HCN4: variants seen among roughly 807,000 people sequenced by gnomAD.
HCN4 encodes potassium/sodium hyperpolarization-activated cyclic nucleotide-gated channel 4.
HCN4 carries 29 observed loss-of-function variants against 76.9 expected under a neutral mutation model. The ratio of observed to expected loss-of-function variants is 0.38; its 90% confidence interval spans 0.28 to 0.51. HCN4 has a LOEUF of 0.51. Among genes scored for constraint, HCN4 ranks in the 20% least tolerant of loss-of-function variants. The pLI is 0.90. For missense variants in HCN4, 1,416 were observed against 1,715.2 expected (o/e 0.83, Z 3.08); for synonymous variants, 772 against 762.5 (o/e 1.01, Z -0.21).
chr15:73,339,720 C>T (rs1428501335), intron 2 of HCN4, among the ~76,000 whole-genome samples: 1 of 152,162 alleles, frequency 6.6e-6, no homozygotes, highest in African/African-American at 2.4e-5. Context: ...TAAATACTCT[C>T]CTCAGCTCTC....
chr15:73,325,379 G>A lies in HCN4; in HGVS notation c.1656C>T (p.His552=), dbSNP rs148142070. 4.3e-4 allele frequency: 696 copies of A among 1,614,116 alleles called. No homozygotes were observed. Among genetic ancestry groups the A allele is most frequent in the Non-Finnish European group, 5.3e-4 (631 of 1,179,984 alleles). ...KLPPDTRQRI[H]DYYEHRYQGK... is the part of the protein sequence containing the mutation. ...CCTGGTAGCGGTGCTCGTAGTAGTC[G>A]TGGATGCGCTGCCGGGTGTCGGGCG... Residue 552 remains histidine, a synonymous_variant, in exon 5 of 8, where the codon CAC becomes CAT. Transcript: ENST00000261917. This position sits in a 1 kb window ranked among gnomAD's most constrained non-coding sequence, Gnocchi z 7.4.
intron 1 of HCN4, among the ~76,000 whole-genome samples, chr15:73,353,282 G>A (rs879891947): frequency 6.6e-6 from 1 of 152,182 alleles, no homozygotes; most frequent in Non-Finnish European, 1.5e-5. Context: ...GCCCTGTGCT[G>A]TAAGGGGTCC....
At position 73,322,927 on chromosome 15, in the gene HCN4, G is replaced by A; in HGVS notation, c.3166C>T (p.Pro1056Ser). The A allele has an allele frequency of 1.4e-6, 2 of 1,408,586 alleles. No individual in the cohort carries two copies. Among genetic ancestry groups the A allele is most frequent in the Non-Finnish European group, 1.9e-6 (2 of 1,067,622 alleles). 87.3% of individuals were successfully genotyped at this position (1,408,586 alleles called of 1,614,324 possible). ...TGGGGTGGTGGGGGGCTGGATGCAG[G>A]TGGCAGGAGCAAGGATCCGTGGGAG... ...SGSHGSLLLP[P>S]ASSPPPPQVP... Residue 1056 changes from proline (P) to serine (S), a missense_variant, in exon 8 of 8, where the codon CCT becomes TCT. Pro to Ser is a moderately conservative substitution (Grantham distance 74). Coordinates refer to ENST00000261917, the MANE Select transcript of HCN4 (RefSeq NM_005477.3).
intron 2 of HCN4, among the ~76,000 whole-genome samples, chr15:73,340,186 C>G (rs1369018680): frequency 6.6e-6 from 1 of 152,136 alleles, no homozygotes; most frequent in Non-Finnish European, 1.5e-5. Context: ...GGCCTGAGCT[C>G]CCAGGATGCA....
rs1060500105 is a variant in HCN4 at position 73,329,744 on chromosome 15, C to T, written c.1419G>A (p.Met473Ile). 6.2e-7 allele frequency: 1 copy of T among 1,614,154 alleles called. No individual in the cohort carries two copies. The highest frequency in any genetic ancestry group is 1.7e-5 in the Admixed American group (1 of 60,030). ...KQYSYALFKA[M>I]SHMLCIGYGR... is the part of the protein sequence containing the mutation. ...CGTAGCCGATGCACAGCATGTGGCT[C>T]ATGGCCTTGAAGAGCGCGTAGGAGT... is the stretch of plus-strand genomic sequence containing the variant. Residue 473 changes from methionine to isoleucine, a missense_variant, in exon 4 of 8, where the codon ATG becomes ATA. By Grantham distance (10) the Met-to-Ile change is conservative (BLOSUM62 1). This residue lies in a region of HCN4 where 112 missense variants were observed against 259.9 expected (regional missense o/e 0.43). Transcript: ENST00000261917.
In HCN4 at chr15:73,367,971, C is replaced by T; in HGVS notation, c.300G>A (p.Leu100=). Residue 100 remains leucine (L), a synonymous_variant, in exon 1 of 8, where the codon CTG becomes CTA. Transcript: ENST00000261917. The surrounding 1 kb of genome is among the most constrained non-coding windows in gnomAD (Gnocchi z 7.5). ...CGCCGCCCCGGCTGCCCAGCGAGGC[C>T]AGGCTCCCGCGGAAGCGCCTGCAGT... ...NGDCRRFRGS[L]ASLGSRGGGS... 7.4e-7 allele frequency: 1 copy of T among 1,349,902 alleles called. No homozygotes were observed. Among genetic ancestry groups the T allele is most frequent in the Non-Finnish European group, 9.5e-7 (1 of 1,057,296 alleles). 83.6% of individuals were successfully genotyped at this position (1,349,902 alleles called of 1,614,324 possible). A position where few individuals can be genotyped will look rare whatever the true frequency, so the allele number is the denominator to read the frequency against.
At chr15:73,332,326 G>A (rs779418178) in intron 2 of HCN4, 34 bp from the exon 3 acceptor site, 2 of 1,612,016 alleles carry the variant, frequency 1.2e-6, no homozygotes, top group Admixed American at 1.7e-5. Context: ...GGCTGGGATA[G>A]GTGAGTGGCC....
intron 1 of HCN4, among the ~76,000 whole-genome samples, chr15:73,356,872 A>G (rs568431445): frequency 2.0e-5 from 3 of 152,312 alleles, no homozygotes; most frequent in South Asian, 2.1e-4. Context: ...CCTATTACCA[A>G]TGGGGTTGGA....
At chr15:73,345,900 G>A (rs1246395302) in intron 1 of HCN4, among the ~76,000 whole-genome samples, 3 of 152,248 alleles carry the variant, frequency 2.0e-5, no homozygotes, top group South Asian at 2.1e-4. Flanking sequence ...ATGCTGACTC[G>A]GGCGGGCCTG....
rs373572497 is a variant in HCN4, at chr15:73,323,377, C to T, written c.2716G>A (p.Gly906Arg). 1.8e-5 allele frequency: 28 copies of T among 1,585,026 alleles called. No homozygotes were observed. Among genetic ancestry groups the T allele is most frequent in the Middle Eastern group, 1.7e-4 (1 of 5,964 alleles). ...SAGVAATTIA[G>R]FGHFHKALGG... ...AGCGCCTTGTGGAAGTGGCCAAACC[C>T]GGCTATGGTGGTGGCGGCTACGCCA... is the stretch of plus-strand genomic sequence containing the variant. Residue 906 changes from glycine (G) to arginine (R), a missense_variant, in exon 8 of 8, where the codon GGG becomes AGG. Physicochemically the swap from Gly to Arg is moderately radical, Grantham distance 125. Around this residue, in one of 6 missense-constraint regions of HCN4, gnomAD observed 633 missense variants for 579.8 expected, o/e 1.09. Coordinates refer to ENST00000261917, the MANE Select transcript of HCN4 (RefSeq NM_005477.3).
rs572194844 is a variant in HCN4 at position 73,339,488 on chromosome 15, C to A, written c.1209+3897G>T. Among the ~76,000 whole-genome samples, 4 of 152,210 alleles carry A rather than the reference C, an allele frequency of 2.6e-5. No homozygotes were observed. In the East Asian group the frequency reaches 7.7e-4, roughly 29 times the overall value. Reference sequence around the variant, plus strand: ...GGGAGGCAAGCTCCCTAGCCCCAACCGAGGGCATCCTCCTTCACGTTCCGT... The same window carrying A: ...GGGAGGCAAGCTCCCTAGCCCCAACAGAGGGCATCCTCCTTCACGTTCCGT... On this transcript the variant is annotated intron_variant, in intron 2 of 7. Transcript: ENST00000261917.
At chr15:73,326,456 G>A (rs1490096155) in intron 4 of HCN4, among the ~76,000 whole-genome samples, 2 of 152,218 alleles carry the variant, frequency 1.3e-5, no homozygotes, top group Admixed American at 6.5e-5. Context: ...GTGACTTCCT[G>A]GCTGGTTACA....
At position 73,329,563 on chromosome 15, in the gene HCN4, G is replaced by A. The variant is rs2042920237; in HGVS notation, c.1590+10C>T. 1 of 1,613,394 alleles carries A rather than the reference G, an allele frequency of 6.2e-7. No homozygotes were observed. Among genetic ancestry groups the A allele is most frequent in the African/African-American group, 1.3e-5 (1 of 74,918 alleles). On this transcript the variant is annotated intron_variant, in intron 4 of 7. Coordinates refer to ENST00000261917, the MANE Select transcript of HCN4 (RefSeq NM_005477.3). ...GGACCAATGTGCGGGTGCTCCCTGG[G>A]TAGACCTACCTTTTCCTGGTACTGG...
rs568173508 is a variant in HCN4 at position 73,358,234 on chromosome 15, C to G, written c.785+9252G>C. Among the ~76,000 whole-genome samples, 5 of 152,238 alleles carry G rather than the reference C, an allele frequency of 3.3e-5. No individual in the cohort carries two copies. The South Asian group carries it at 1.0e-3, about 32-fold the overall frequency. ...GGAAGCCAGGCCCCAGGGGCAGTCT[C>G]CCCTGCTGGACCAAGTTTCTTCTAA... On this transcript the variant is annotated intron_variant, in intron 1 of 7. Transcript: ENST00000261917.
In HCN4 at chr15:73,343,131, C is replaced by T. The variant is rs897430295; in HGVS notation, c.1209+254G>A. Among the ~76,000 whole-genome samples, 3 of 152,208 alleles carry T rather than the reference C, an allele frequency of 2.0e-5. No individual in the cohort carries two copies. Among genetic ancestry groups the T allele is most frequent in the Non-Finnish European group, 2.9e-5 (2 of 68,040 alleles). On this transcript the variant is annotated intron_variant, in intron 2 of 7. Coordinates refer to ENST00000261917, the MANE Select transcript of HCN4 (RefSeq NM_005477.3). This position sits in a 1 kb window ranked among gnomAD's most constrained non-coding sequence, Gnocchi z 5.7. ...CACTTAATATTTCTGTCTGTTTCTT[C>T]AGGTGAAAAATGAGTATATACATGT...
intron 2 of HCN4, among the ~76,000 whole-genome samples, chr15:73,342,542 C>T (rs1183145152): frequency 6.6e-6 from 1 of 152,228 alleles, no homozygotes; most frequent in Non-Finnish European, 1.5e-5. Context: ...ACTGGGACAA[C>T]TCCAAGGTGT....
chr15:73,368,488 G>A lies in HCN4; in HGVS notation c.-218C>T, dbSNP rs1156542440. Reference sequence around the variant, plus strand: ...GGCTCGCCGCGCTACACCTCCTCCCGGGCCCGGCTGGGCGCGGGGACCCCG... The same window carrying A: ...GGCTCGCCGCGCTACACCTCCTCCCAGGCCCGGCTGGGCGCGGGGACCCCG... On this transcript the variant is annotated 5_prime_UTR_variant, in exon 1 of 8. Transcript: ENST00000261917. This position sits in a 1 kb window ranked among gnomAD's most constrained non-coding sequence, Gnocchi z 6.9. 2 of 346,874 alleles carry A rather than the reference G, an allele frequency of 5.8e-6. No individual in the cohort carries two copies. Among genetic ancestry groups the A allele is most frequent in the Non-Finnish European group, 1.0e-5 (2 of 193,890 alleles). 21.5% of individuals were successfully genotyped at this position (346,874 alleles called of 1,614,324 possible).
chr15:73,366,490 G>A (rs1048166014), intron 1 of HCN4, among the ~76,000 whole-genome samples: 2 of 152,150 alleles, frequency 1.3e-5, no homozygotes, highest in African/African-American at 4.8e-5. Context: ...CATGCATCAC[G>A]AAAGCCCAGA....
At chr15:73,353,434 A>G (rs966790154) in intron 1 of HCN4, among the ~76,000 whole-genome samples, 1 of 152,182 alleles carries the variant, frequency 6.6e-6, no homozygotes, top group Non-Finnish European at 1.5e-5. Context: ...GAAGGTGGAG[A>G]GAGGGTGGTT....
Sources: gnomAD v4.1 joint callset for allele counts (sites outside exome capture counted in the v4.1 genomes callset) on GRCh38, gnomAD v4.1.1 for gene constraint, gnomAD v4.1.1 regional missense constraint, Gnocchi (gnomAD v3.1) non-coding constraint, MANE v1.5 for transcripts, NCBI Gene and HGNC (gene_info 2026-07-23, HGNC 2026-07-21) for gene names.